DACH2: variants seen among roughly 807,000 people sequenced by gnomAD.
DACH2 encodes the protein dachshund family transcription factor 2, also known as dachshund homolog 2.
DACH2 carries 17 observed loss-of-function variants against 35.8 expected under a neutral mutation model. That is an observed-to-expected ratio of 0.48 (90% CI 0.33 to 0.71). The LOEUF (loss-of-function observed/expected upper bound fraction) is 0.71, where lower values mean the gene tolerates loss of function less well. Ranked by LOEUF, DACH2 falls within the 30% of genes least tolerant of loss-of-function variation. The probability of loss-of-function intolerance (pLI) is 0.02; values close to 1 mark genes in which losing one functional copy is unlikely to be tolerated. For synonymous variants in DACH2, 195 were observed against 177.3 expected, an observed-to-expected ratio of 1.10 and a Z score of -0.79; for missense variants, 469 against 472.7, an observed-to-expected ratio of 0.99 and a Z score of 0.07.
intron 3 of DACH2, among the ~76,000 whole-genome samples, chrX:86,570,286 G>A (rs1043391194): frequency 1.8e-5 from 2 of 111,276 alleles, no homozygotes; most frequent in Non-Finnish European, 3.8e-5. Flanking sequence ...ATACATGCAC[G>A]TGTATGTTCA....
At chrX:86,817,508 G>T (rs1398963038) in intron 11 of DACH2, among the ~76,000 whole-genome samples, 2 of 111,431 alleles carry the variant, frequency 1.8e-5, no homozygotes, top group Admixed American at 1.9e-4. Flanking sequence ...CATTGAACTT[G>T]ATTGTGCCCT....
chrX:86,641,869 G>GT (rs1311421449), intron 3 of DACH2, among the ~76,000 whole-genome samples: 12 of 111,923 alleles, frequency 1.1e-4, no homozygotes, highest in Non-Finnish European at 1.7e-4. Context: ...AGCTTCCTAA[G>GT]TGAAGGAGAA....
intron 5 of DACH2, 41 bp from the exon 6 acceptor site, chrX:86,714,507 A>C: frequency 9.3e-7 from 1 of 1,071,610 alleles, no homozygotes; most frequent in Non-Finnish European, 1.3e-6. Flanking sequence ...TATTTCAGAT[A>C]ATCATAATGT....
At chrX:86,330,923 A>G (rs1251554469) in intron 1 of DACH2, among the ~76,000 whole-genome samples, 1 of 112,110 alleles carries the variant, frequency 8.9e-6, no homozygotes, top group Non-Finnish European at 1.9e-5. Flanking sequence ...ACTACAAAGA[A>G]CATGATTTCA....
At chrX:86,692,662 A>T (rs1008278776) in intron 4 of DACH2, among the ~76,000 whole-genome samples, 1 of 111,843 alleles carries the variant, frequency 8.9e-6, no homozygotes, top group Non-Finnish European at 1.9e-5. Context: ...CTGCTGTGAT[A>T]GTGCAGTACT....
intron 1 of DACH2, among the ~76,000 whole-genome samples, chrX:86,169,544 T>G (rs1337326362): frequency 9.0e-6 from 1 of 110,808 alleles, no homozygotes; most frequent in Non-Finnish European, 1.9e-5. Flanking sequence ...TTTAATGCTG[T>G]TTTCTAGATC....
chrX:86,772,950 AGCATTCAATCAGGT>A (rs2042000426), intron 7 of DACH2, among the ~76,000 whole-genome samples: 1 of 111,666 alleles, frequency 9.0e-6, no homozygotes, highest in South Asian at 3.7e-4. Context: ...ACAGACATGG[AGCATTCAATCAGGT>A]GCTTCCGTGG....
chrX:86,644,566 A>C (rs1295826685), intron 3 of DACH2, among the ~76,000 whole-genome samples: 1 of 110,872 alleles, frequency 9.0e-6, no homozygotes, highest in Non-Finnish European at 1.9e-5. Context: ...ACTAGAAAAA[A>C]ATAAATTTAT....
intron 2 of DACH2, among the ~76,000 whole-genome samples, chrX:86,410,416 C>T (rs778598650): frequency 5.4e-5 from 6 of 111,700 alleles, no homozygotes; most frequent in African/African-American, 2.0e-4. Flanking sequence ...CTAAATTAAA[C>T]ATTGTTGCCT....
chrX:86,782,563 A>G (rs1602942961), intron 7 of DACH2, among the ~76,000 whole-genome samples: 1 of 111,769 alleles, frequency 8.9e-6, no homozygotes, highest in African/African-American at 3.2e-5. Flanking sequence ...TAGACACATA[A>G]ACCAATGGAA....
chrX:86,297,560 G>A (rs2034491972), intron 1 of DACH2, among the ~76,000 whole-genome samples: 1 of 111,796 alleles, frequency 8.9e-6, no homozygotes, highest in African/African-American at 3.2e-5. Flanking sequence ...TTGGAAAGCA[G>A]TCAGATTGTA....
intron 3 of DACH2, among the ~76,000 whole-genome samples, chrX:86,629,507 T>C (rs902063933): frequency 1.8e-5 from 2 of 111,654 alleles, no homozygotes; most frequent in Non-Finnish European, 1.9e-5. Context: ...ACAAGAAGAT[T>C]GTCTATTCAG....
chrX:86,816,714 T>C (rs1156875411), intron 11 of DACH2, among the ~76,000 whole-genome samples: 1 of 111,858 alleles, frequency 8.9e-6, no homozygotes, highest in Non-Finnish European at 1.9e-5. Context: ...AACAAATCAA[T>C]ATAGAGTCTC....
At chrX:86,706,590 TG>T (rs952575591) in intron 5 of DACH2, among the ~76,000 whole-genome samples, 2 of 110,629 alleles carry the variant, frequency 1.8e-5, no homozygotes, top group Non-Finnish European at 3.8e-5. Context: ...GGACACATTC[TG>T]GGCCATAAAA....
At chrX:86,576,653 A>T (rs935372457) in intron 3 of DACH2, among the ~76,000 whole-genome samples, 1 of 111,200 alleles carries the variant, frequency 9.0e-6, no homozygotes, top group Non-Finnish European at 1.9e-5. Flanking sequence ...ATTATACACC[A>T]TAGTTTGGAT....
chrX:86,622,713 G>T (rs549394058), intron 3 of DACH2, among the ~76,000 whole-genome samples: 3 of 111,734 alleles, frequency 2.7e-5, no homozygotes, highest in African/African-American at 9.7e-5. Flanking sequence ...TCAATCAGGA[G>T]AAAATATTTC....
chrX:86,286,584 CT>C (rs1298107702), intron 1 of DACH2, among the ~76,000 whole-genome samples: 1 of 111,007 alleles, frequency 9.0e-6, no homozygotes, highest in Non-Finnish European at 1.9e-5. Flanking sequence ...TCTGGTGATA[CT>C]GTTTAGTTTC....
intron 2 of DACH2, among the ~76,000 whole-genome samples, chrX:86,482,301 T>C (rs2037949318): frequency 8.9e-6 from 1 of 112,359 alleles, no homozygotes; most frequent in African/African-American, 3.2e-5. Context: ...ACAGTTAAAA[T>C]TGTTGCATCT....
Position 86,578,263 on chromosome X carries a change from A to G in DACH2, c.640+63872A>G, listed in dbSNP as rs751695745. 2.0e-3 allele frequency among the ~76,000 whole-genome samples: 224 copies of G among 110,871 alleles called. 1 individual carries two copies. The highest frequency in any genetic ancestry group is 7.1e-3 in the African/African-American group (218 of 30,490). The stretch of plus-strand genomic sequence containing the variant: ...TTCTTCTTGTTGGAGAGAAATCCCC[A>G]CACATTTGATCTCATAACTCTCTGT... On this transcript the variant is annotated intron_variant, in intron 3 of 11. Coordinates refer to ENST00000373125, the MANE Select transcript of DACH2 (RefSeq NM_053281.3).
Sources: gnomAD v4.1 joint callset for allele counts (sites outside exome capture counted in the v4.1 genomes callset) on GRCh38, gnomAD v4.1.1 for gene constraint, MANE v1.5 for transcripts, NCBI Gene and HGNC (gene_info 2026-07-23, HGNC 2026-07-21) for gene names.